Variants in NANOS3 observed in about 807,000 individuals in gnomAD.
The protein encoded by NANOS3 is nanos C2HC-type zinc finger 3.
A neutral mutation model predicts 13.8 loss-of-function variants in NANOS3; 11 were observed. The observed-to-expected ratio is 0.80, with a 90% CI of 0.50 to 1.32. The LOEUF is 1.32. NANOS3 is among the 40% of genes most tolerant of loss of function. The pLI, the probability that NANOS3 is intolerant of heterozygous loss-of-function variation, is 0.00. For missense variants in NANOS3, 221 were observed against 263.8 expected (o/e 0.84, Z 1.12); for synonymous variants, 119 against 115.4 (o/e 1.03, Z -0.20).
intron 1 of NANOS3, among the ~76,000 whole-genome samples, chr19:13,870,180 C>T (rs1341211844): frequency 3.9e-5 from 6 of 152,132 alleles, no homozygotes; most frequent in South Asian, 2.1e-4. Flanking sequence ...CCCTGGCTTG[C>T]GTGATCCTCC....
chr19:13,876,325 TGTGTGTGTA>T (rs879564790), upstream of NANOS3, among the ~76,000 whole-genome samples: 246 of 148,866 alleles, frequency 1.7e-3, 2 homozygotes, highest in African/African-American at 6.2e-3. Flanking sequence ...TGTGTGTGTG[TGTGTGTGTA>T]TTTTTAGTAG....
In NANOS3 at chr19:13,880,555, A is replaced by G; in HGVS notation, c.*52A>G. The G allele has an allele frequency of 6.5e-7, 1 of 1,532,992 alleles. No individual in the cohort carries two copies. The highest frequency in any genetic ancestry group is 1.1e-5 in the South Asian group (1 of 88,952). The allele number at this position is 1,532,992 out of a possible 1,614,324, so 95.0% of individuals were successfully genotyped here. On this transcript the variant is annotated 3_prime_UTR_variant, in exon 2 of 2. Coordinates refer to ENST00000339133, the MANE Select transcript of NANOS3 (RefSeq NM_001098622.3). The stretch of plus-strand genomic sequence containing the variant: ...ACCCGGGCTCGGCTGGATTTCCAGG[A>G]AGACCCACCCTATGACGACTGCCCC...
At chr19:13,877,909 GTATT>G (rs1029308130) in intron 1 of NANOS3, 144 bp downstream of exon 1, 26 of 1,401,998 alleles carry the variant, frequency 1.9e-5, no homozygotes, top group South Asian at 4.6e-5. Context: ...TTTTATTTAC[GTATT>G]TATTTATTTA....
chr19:13,863,579 C>T (rs1347051006), upstream of NANOS3, among the ~76,000 whole-genome samples: 1 of 151,764 alleles, frequency 6.6e-6, no homozygotes, highest in Non-Finnish European at 1.5e-5. Context: ...ACAGGAGGGC[C>T]ATCAACAGAG....
At chr19:13,869,917 G>A (rs1976300769) in intron 1 of NANOS3, among the ~76,000 whole-genome samples, 1 of 152,064 alleles carries the variant, frequency 6.6e-6, no homozygotes, top group African/African-American at 2.4e-5. Flanking sequence ...ATCGAGAGGA[G>A]ACAGCTTGCC....
chr19:13,874,699 C>T (rs374919214), upstream of NANOS3: 17 of 530,852 alleles, frequency 3.2e-5, no homozygotes, highest in South Asian at 1.5e-4. Flanking sequence ...CTCCAGGTCC[C>T]GGAAAATTTG....
chr19:13,869,794 A>G (rs1007906142), intron 1 of NANOS3, among the ~76,000 whole-genome samples: 5 of 150,984 alleles, frequency 3.3e-5, no homozygotes, highest in South Asian at 2.1e-4. Flanking sequence ...ACACACACGC[A>G]CACACATACA....
In NANOS3 at chr19:13,877,243, C is replaced by G. The variant is rs773242677; in HGVS notation, c.-6C>G. 43 of 1,599,394 alleles carry G rather than the reference C, an allele frequency of 2.7e-5. No homozygotes were observed. The Middle Eastern group carries it at 5.0e-4, about 19-fold the overall frequency. On this transcript the variant is annotated 5_prime_UTR_variant, in exon 1 of 2. Coordinates refer to ENST00000339133, the MANE Select transcript of NANOS3 (RefSeq NM_001098622.3). ...ACTCCTTCCGCCTGGCACATGCTGC[C>G]CAGCTATGGGGACCTTTGACCTGTG...
upstream of NANOS3, among the ~76,000 whole-genome samples, chr19:13,873,430 C>T (rs1239713744): frequency 6.6e-6 from 1 of 151,864 alleles, no homozygotes; most frequent in Non-Finnish European, 1.5e-5. Flanking sequence ...TTATTTTGGG[C>T]CTCAGTATTC....
chr19:13,873,981 A>G (rs1400606830), upstream of NANOS3, among the ~76,000 whole-genome samples: 2 of 151,888 alleles, frequency 1.3e-5, no homozygotes. Context: ...GGATGAGGAA[A>G]TGGAGAGGGG....
upstream of NANOS3, chr19:13,865,293 C>CA (rs1310789245): frequency 3.4e-5 from 5 of 146,224 alleles, no homozygotes; most frequent in Admixed American, 2.0e-4. Flanking sequence ...CCCCCTCCCC[C>CA]CCCCCGCCCA....
Position 13,880,692 on chromosome 19 carries a change from TGCC to T in NANOS3, c.*191_*193del, listed in dbSNP as rs2145086100. 1.2e-5 allele frequency: 7 copies of T among 593,374 alleles called. No individual in the cohort carries two copies. In the South Asian group the frequency reaches 1.4e-4, roughly 12 times the overall value. 36.8% of individuals were successfully genotyped at this position (593,374 alleles called of 1,614,324 possible). On this transcript the variant is annotated 3_prime_UTR_variant, in exon 2 of 2. Coordinates refer to ENST00000339133, the MANE Select transcript of NANOS3 (RefSeq NM_001098622.3). ...TGGGGACCCCACCCTTTGTGCCATC[TGCC>T]GTTTCCCTAGTGCTGGGCATCCAGT...
upstream of NANOS3, among the ~76,000 whole-genome samples, chr19:13,863,663 G>A (rs938621901): frequency 2.0e-5 from 3 of 152,090 alleles, no homozygotes; most frequent in Admixed American, 1.3e-4. Flanking sequence ...TCCCCTGCAC[G>A]TGTCTCTCCA....
chr19:13,871,227 G>C (rs886799378), intron 1 of NANOS3, among the ~76,000 whole-genome samples: 6 of 152,150 alleles, frequency 3.9e-5, no homozygotes, highest in African/African-American at 9.7e-5. Flanking sequence ...GAGATGGGGG[G>C]TAAACAGCTA....
At chr19:13,877,914 T>C (rs953755015) in intron 1 of NANOS3, 149 bp downstream of exon 1, 63 of 1,400,572 alleles carry the variant, frequency 4.5e-5, no homozygotes, top group Non-Finnish European at 5.8e-5. Flanking sequence ...TTTACGTATT[T>C]ATTTATTTAT....
intron 1 of NANOS3, 29 bp from the exon 2 acceptor site, chr19:13,880,413 A>C (rs758765404): frequency 1.2e-6 from 2 of 1,608,994 alleles, no homozygotes; most frequent in South Asian, 2.2e-5. Context: ...GCCTGTGATT[A>C]AGCATTTCTC....
intron 1 of NANOS3, among the ~76,000 whole-genome samples, chr19:13,872,095 C>T (rs1001098640): frequency 1.4e-4 from 21 of 148,054 alleles, no homozygotes; most frequent in African/African-American, 5.2e-4. Context: ...CTGCTGGGTG[C>T]CGTGGTTCAT....
chr19:13,877,305 T>A lies in NANOS3; in HGVS notation c.57T>A (p.Ala19=), dbSNP rs529273940. 1.9e-6 allele frequency: 3 copies of A among 1,613,132 alleles called. No individual in the cohort carries two copies. The highest frequency in any genetic ancestry group is 2.2e-5 in the South Asian group (2 of 91,082). Residue 19 remains alanine, a synonymous_variant, in exon 1 of 2, where the codon GCT becomes GCA. Transcript: ENST00000339133. ...TGGGTTTGGCACACCTGGTTAGGGC[T>A]CTGAGTGGGAAAGAGGGTCCTGAAA... The part of the protein sequence containing the change: ...DYLGLAHLVR[A]LSGKEGPETR...
intron 1 of NANOS3, among the ~76,000 whole-genome samples, chr19:13,869,426 A>C (rs1003441252): frequency 6.6e-6 from 1 of 152,042 alleles, no homozygotes; most frequent in African/African-American, 2.4e-5. Context: ...CTGGGAAGGA[A>C]GCTGGGCTCC....
Sources: allele counts gnomAD v4.1 joint callset (sites outside exome capture counted in the v4.1 genomes callset), GRCh38; gene constraint gnomAD v4.1.1; transcripts MANE v1.5; gene names NCBI Gene and HGNC (gene_info 2026-07-23, HGNC 2026-07-21).